Variants in TBC1D19 observed in about 807,000 individuals in gnomAD.
TBC1D19 encodes the protein TBC1 domain family member 19.
Under a neutral mutation model 89.0 loss-of-function variants are expected in TBC1D19, and 60 were observed. That is an observed-to-expected ratio of 0.67 (90% CI 0.55 to 0.84). TBC1D19 has a LOEUF of 0.84. Among genes scored for constraint, TBC1D19 ranks in the 40% least tolerant of loss-of-function variants. The pLI is 0.00. For missense variants in TBC1D19, 500 were observed against 610.8 expected (o/e 0.82, Z 1.91); for synonymous variants, 189 against 199.7 (o/e 0.95, Z 0.45).
intron 2 of TBC1D19, among the ~76,000 whole-genome samples, chr4:26,614,011 A>G (rs1397759909): frequency 6.6e-6 from 1 of 152,152 alleles, no homozygotes; most frequent in Non-Finnish European, 1.5e-5. Context: ...GTGAATTATA[A>G]CTAGATACTT....
the TBC1D19 span, among the ~76,000 whole-genome samples, chr4:26,777,284 G>A: frequency 2.0e-5 from 3 of 151,296 alleles, no homozygotes; most frequent in Non-Finnish European, 2.9e-5. Flanking sequence ...ACAGGTGCCC[G>A]CCACCATGCC....
chr4:26,656,693 GAACT>G (rs2109064370), intron 7 of TBC1D19, among the ~76,000 whole-genome samples: 1 of 151,832 alleles, frequency 6.6e-6, no homozygotes, highest in East Asian at 1.9e-4. Context: ...CGAGTAGCTG[GAACT>G]ACAGGAGCAC....
intron 1 of TBC1D19, among the ~76,000 whole-genome samples, chr4:26,578,254 C>T (rs753257875): frequency 1.2e-4 from 18 of 152,210 alleles, no homozygotes; most frequent in Non-Finnish European, 2.4e-4. Context: ...TCCCAAATTA[C>T]TGGGCCTCTG....
intron 4 of TBC1D19, 45 bp downstream of exon 4, chr4:26,620,733 T>C: frequency 6.4e-7 from 1 of 1,559,330 alleles, no homozygotes; most frequent in Non-Finnish European, 8.8e-7. Context: ...TGCCAAGTTA[T>C]GTAATACAGA....
At chr4:26,655,125 G>T (rs1487335889) in intron 7 of TBC1D19, among the ~76,000 whole-genome samples, 1 of 152,198 alleles carries the variant, frequency 6.6e-6, no homozygotes, top group African/African-American at 2.4e-5. Flanking sequence ...GTTGGAGTTT[G>T]CTGGAGGTCC....
At chr4:26,823,431 G>A in the TBC1D19 span, among the ~76,000 whole-genome samples, 1 of 152,158 alleles carries the variant, frequency 6.6e-6, no homozygotes, top group Non-Finnish European at 1.5e-5. Flanking sequence ...TTGGGTTAAT[G>A]AGAGAGGTGA....
the TBC1D19 span, among the ~76,000 whole-genome samples, chr4:26,843,673 AC>A: frequency 6.6e-6 from 1 of 152,072 alleles, no homozygotes; most frequent in African/African-American, 2.4e-5. Flanking sequence ...ATCCTCAACT[AC>A]CTTTGTGTCA....
At chr4:26,740,237 T>C (rs541512544) in intron 17 of TBC1D19, among the ~76,000 whole-genome samples, 6 of 152,212 alleles carry the variant, frequency 3.9e-5, no homozygotes, top group Non-Finnish European at 8.8e-5. Flanking sequence ...AGAATGTCTG[T>C]ATTATTATTC....
At chr4:26,834,555 G>A in the TBC1D19 span, among the ~76,000 whole-genome samples, 6 of 151,964 alleles carry the variant, frequency 3.9e-5, no homozygotes, top group African/African-American at 9.7e-5. Flanking sequence ...GGGGGGCGGG[G>A]GTGGTGCACA....
At chr4:26,850,914 G>A in the TBC1D19 span, among the ~76,000 whole-genome samples, 1 of 152,224 alleles carries the variant, frequency 6.6e-6, no homozygotes, top group Non-Finnish European at 1.5e-5. Context: ...TGGTATGTGA[G>A]TTGGTGGACT....
intron 13 of TBC1D19, among the ~76,000 whole-genome samples, chr4:26,707,986 G>C (rs147893691): frequency 6.6e-6 from 1 of 152,018 alleles, no homozygotes; most frequent in Non-Finnish European, 1.5e-5. Context: ...CTTTTCAAAT[G>C]TACGAGTTTC....
intron 4 of TBC1D19, among the ~76,000 whole-genome samples, chr4:26,627,476 C>T (rs1742497649): frequency 1.3e-5 from 2 of 152,202 alleles, no homozygotes; most frequent in South Asian, 4.1e-4. Context: ...CTGACTTCCA[C>T]AATGGTTGAA....
chr4:26,670,942 A>G (rs1257331817), intron 9 of TBC1D19, among the ~76,000 whole-genome samples: 3 of 149,110 alleles, frequency 2.0e-5, no homozygotes, highest in African/African-American at 7.4e-5. Flanking sequence ...ATATGCCACT[A>G]TCTAGTATCC....
intron 1 of TBC1D19, among the ~76,000 whole-genome samples, chr4:26,594,196 T>TGC (rs1166672244): frequency 4.6e-5 from 7 of 152,154 alleles, no homozygotes; most frequent in Non-Finnish European, 7.3e-5. Flanking sequence ...TGTAGGGACA[T>TGC]GGATGAAGCT....
intron 13 of TBC1D19, among the ~76,000 whole-genome samples, chr4:26,695,831 C>G (rs2109187575): frequency 6.6e-6 from 1 of 152,256 alleles, no homozygotes; most frequent in South Asian, 2.1e-4. Context: ...CACCACCAGG[C>G]CTGCCCTACA....
intron 13 of TBC1D19, among the ~76,000 whole-genome samples, chr4:26,700,289 T>C (rs1230635957): frequency 6.6e-6 from 1 of 152,168 alleles, no homozygotes; most frequent in Admixed American, 6.6e-5. Flanking sequence ...GAAAGTAGGA[T>C]AACCACAGAT....
chr4:26,821,675 C>T, the TBC1D19 span, among the ~76,000 whole-genome samples: 1 of 152,222 alleles, frequency 6.6e-6, no homozygotes, highest in Non-Finnish European at 1.5e-5. Flanking sequence ...GAATGCAGGT[C>T]CTGGCCCAGT....
chr4:26,842,585 T>TTCCC, the TBC1D19 span, among the ~76,000 whole-genome samples: 1 of 71,910 alleles, frequency 1.4e-5, no homozygotes, highest in Non-Finnish European at 2.7e-5. Flanking sequence ...CCTCCCTCCC[T>TTCCC]TTCTTTCTTT....
At chr4:26,676,210 T>C (rs1317181832) in intron 11 of TBC1D19, among the ~76,000 whole-genome samples, 7 of 152,200 alleles carry the variant, frequency 4.6e-5, no homozygotes, top group Non-Finnish European at 1.5e-5. Context: ...TCTGCCTAGA[T>C]TTTTGTGGTC....
Sources: allele counts gnomAD v4.1 joint callset (sites outside exome capture counted in the v4.1 genomes callset), GRCh38; gene constraint gnomAD v4.1.1; transcripts MANE v1.5; gene names NCBI Gene and HGNC (gene_info 2026-07-23, HGNC 2026-07-21).